TMEM87B: variants seen among roughly 807,000 people sequenced by gnomAD.
The protein encoded by TMEM87B is transmembrane protein 87B.
A neutral mutation model predicts 80.3 loss-of-function variants in TMEM87B; 83 were observed. That is an observed-to-expected ratio of 1.03 (90% confidence interval 0.87 to 1.24). The LOEUF is 1.24. Ranked by LOEUF, TMEM87B falls within the 50% of genes most tolerant of loss-of-function variation. The probability of loss-of-function intolerance (pLI) is 0.00; values close to 1 mark genes in which losing one functional copy is unlikely to be tolerated. For synonymous variants in TMEM87B, 219 were observed against 230.5 expected, an observed-to-expected ratio of 0.95 and a Z score of 0.45; for missense variants, 625 against 674.4, an observed-to-expected ratio of 0.93 and a Z score of 0.81.
At chr2:112,074,253 G>A (rs1256571433) in intron 4 of TMEM87B, among the ~76,000 whole-genome samples, 1 of 152,118 alleles carries the variant, frequency 6.6e-6, no homozygotes, top group Non-Finnish European at 1.5e-5. Context: ...CTCTTGTAAG[G>A]CAGGTCTGAA....
intron 17 of TMEM87B, among the ~76,000 whole-genome samples, chr2:112,111,675 A>C (rs1412107138): frequency 6.6e-6 from 1 of 152,202 alleles, no homozygotes; most frequent in African/African-American, 2.4e-5. Flanking sequence ...CACAGAGAAA[A>C]GCCTTCCCCT....
At chr2:112,108,743 C>A (rs77352657) in intron 17 of TMEM87B, among the ~76,000 whole-genome samples, 1 of 151,960 alleles carries the variant, frequency 6.6e-6, no homozygotes, top group Non-Finnish European at 1.5e-5. Flanking sequence ...AGGATTTTAA[C>A]TTTATCTTTA....
At position 112,071,720 on chromosome 2, in the gene TMEM87B, G is replaced by A. The variant is rs933593987; in HGVS notation, c.451-3192G>A. Among the ~76,000 whole-genome samples, 9 of 152,270 alleles carry A rather than the reference G, an allele frequency of 5.9e-5. No homozygotes were observed. In the East Asian group the frequency reaches 1.2e-3, roughly 20 times the overall value. ...GGTTTTCTAGATATATAATCATGTCGTCTGCACACAGGGATAGTTTGACTT... is the reference window on the plus strand; with the variant it reads ...GGTTTTCTAGATATATAATCATGTCATCTGCACACAGGGATAGTTTGACTT... On this transcript the variant is annotated intron_variant, in intron 4 of 18. Coordinates refer to ENST00000283206, the MANE Select transcript of TMEM87B (RefSeq NM_032824.3).
chr2:112,058,894 G>C (rs1414835472), intron 1 of TMEM87B, among the ~76,000 whole-genome samples: 1 of 152,218 alleles, frequency 6.6e-6, no homozygotes, highest in Non-Finnish European at 1.5e-5. Context: ...ACTGGAAGGA[G>C]CCATGGCTTG....
At chr2:112,074,010 T>C (rs1678736773) in intron 4 of TMEM87B, among the ~76,000 whole-genome samples, 1 of 152,246 alleles carries the variant, frequency 6.6e-6, no homozygotes, top group African/African-American at 2.4e-5. Context: ...ATGAGTCTCT[T>C]GAAGACAGCA....
At chr2:112,089,076 A>G (rs747307178) in intron 9 of TMEM87B, among the ~76,000 whole-genome samples, 7 of 152,194 alleles carry the variant, frequency 4.6e-5, no homozygotes, top group Non-Finnish European at 8.8e-5. Context: ...ATGTTATTTT[A>G]ACTCTTTCAG....
At chr2:112,062,604 T>C (rs1678290670) in intron 2 of TMEM87B, among the ~76,000 whole-genome samples, 1 of 152,232 alleles carries the variant, frequency 6.6e-6, no homozygotes, top group African/African-American at 2.4e-5. Flanking sequence ...GTTTGTTTGG[T>C]CGGTGCATAT....
At chr2:112,095,594 G>A in intron 11 of TMEM87B, 2 of 592,082 alleles carry the variant, frequency 3.4e-6, no homozygotes, top group Non-Finnish European at 4.2e-6. Flanking sequence ...AAGTATATTT[G>A]CATTTTTAAA....
chr2:112,111,259 C>T (rs980584595), intron 17 of TMEM87B, among the ~76,000 whole-genome samples: 1 of 152,064 alleles, frequency 6.6e-6, no homozygotes, highest in African/African-American at 2.4e-5. Flanking sequence ...CATTATTTTC[C>T]AGATTTGGAA....
chr2:112,058,548 T>TAA (rs10625142), intron 1 of TMEM87B, among the ~76,000 whole-genome samples: 72,088 of 151,834 alleles, frequency 0.47, 17,615 homozygotes, highest in Middle Eastern at 0.66. Context: ...TTATGTCAAC[T>TAA]AAAGTTTTAA....
rs1185711883 is a variant in TMEM87B at position 112,081,038 on chromosome 2, C to T, written c.593-19C>T. On this transcript the variant is annotated intron_variant, in intron 6 of 18. Coordinates refer to ENST00000283206, the MANE Select transcript of TMEM87B (RefSeq NM_032824.3). ...TTAAGACTGACTGTTAATTAACTCT[C>T]TCTTCTTCTCTATCCTAGTTTCTCT... 63 of 1,603,812 alleles carry T rather than the reference C, an allele frequency of 3.9e-5. 2 individuals are homozygous for T. In the South Asian group the frequency reaches 5.2e-4, roughly 13 times the overall value.
In TMEM87B at chr2:112,089,679, A is replaced by C; in HGVS notation, c.993A>C (p.Leu331Phe). The change falls in exon 10 of 19, where the codon TTA (leucine) becomes TTC (phenylalanine). Residue 331 changes from leucine to phenylalanine, a missense_variant. Transcript: ENST00000283206. ...TGATCGGACTGGGGCTTCTATACTTAATCTTTGCAGCTGTTGAAGGCGTGA... is the reference window on the plus strand; with the variant it reads ...TGATCGGACTGGGGCTTCTATACTTCATCTTTGCAGCTGTTGAAGGCGTGA... ...HRVIGLGLLY[L>F]IFAAVEGVMR... The C allele has an allele frequency of 6.2e-7, 1 of 1,614,152 alleles. No individual in the cohort carries two copies. The highest frequency in any genetic ancestry group is 8.5e-7 in the Non-Finnish European group (1 of 1,179,996).
intron 13 of TMEM87B, 94 bp from the exon 14 acceptor site, chr2:112,098,501 T>A: frequency 8.9e-7 from 1 of 1,128,624 alleles, no homozygotes; most frequent in Non-Finnish European, 1.3e-6. Flanking sequence ...TTGGAAAGAT[T>A]TCATTAGTAC....
Position 112,097,301 on chromosome 2 carries a change from A to C in TMEM87B, c.1272+10A>C, listed in dbSNP as rs985506626. On this transcript the variant is annotated intron_variant, in intron 13 of 18. Transcript: ENST00000283206. ...TGCAAAATGCCAATCAGTAAGTATAACCTTCCTATTTAAACAGTTATTTTT... is the reference window on the plus strand; with the variant it reads ...TGCAAAATGCCAATCAGTAAGTATACCCTTCCTATTTAAACAGTTATTTTT... 3.2e-6 allele frequency: 5 copies of C among 1,584,482 alleles called. No individual in the cohort carries two copies. The highest frequency in any genetic ancestry group is 4.3e-6 in the Non-Finnish European group (5 of 1,167,672).
intron 1 of TMEM87B, among the ~76,000 whole-genome samples, chr2:112,056,439 C>T (rs999799227): frequency 6.6e-6 from 1 of 152,006 alleles, no homozygotes; most frequent in African/African-American, 2.4e-5. Context: ...CTCTTCTTTC[C>T]AAGGCAGGCT....
At chr2:112,074,062 G>A (rs1444900685) in intron 4 of TMEM87B, among the ~76,000 whole-genome samples, 1 of 152,174 alleles carries the variant, frequency 6.6e-6, no homozygotes, top group Non-Finnish European at 1.5e-5. Flanking sequence ...GACATTCTGT[G>A]CCTTTTAATT....
At position 112,103,381 on chromosome 2, in the gene TMEM87B, G is replaced by A. The variant is rs1679685311; in HGVS notation, c.1451-2621G>A. Among the ~76,000 whole-genome samples the A allele has an allele frequency of 2.0e-5, 3 of 152,162 alleles. No individual in the cohort carries two copies. The South Asian group carries it at 6.2e-4, about 32-fold the overall frequency. On this transcript the variant is annotated intron_variant, in intron 15 of 18. Coordinates refer to ENST00000283206, the MANE Select transcript of TMEM87B (RefSeq NM_032824.3). Reference sequence around the variant, plus strand: ...TCTCAGTTTCCCAGTCTGATAAATAGATTCAGTGCAATCCCAATTATAATT... The same window carrying A: ...TCTCAGTTTCCCAGTCTGATAAATAAATTCAGTGCAATCCCAATTATAATT...
chr2:112,102,909 A>C (rs1679668717), intron 15 of TMEM87B, among the ~76,000 whole-genome samples: 1 of 152,188 alleles, frequency 6.6e-6, no homozygotes, highest in Non-Finnish European at 1.5e-5. Flanking sequence ...GGGTATGTAC[A>C]TACCACTTTG....
intron 17 of TMEM87B, among the ~76,000 whole-genome samples, chr2:112,108,173 C>T (rs1347221405): frequency 6.6e-6 from 1 of 151,928 alleles, no homozygotes; most frequent in Non-Finnish European, 1.5e-5. Context: ...AACCACAGCA[C>T]CATGTATTGT....
Sources: gnomAD v4.1 joint callset for allele counts (sites outside exome capture counted in the v4.1 genomes callset) on GRCh38, gnomAD v4.1.1 for gene constraint, MANE v1.5 for transcripts, NCBI Gene and HGNC (gene_info 2026-07-23, HGNC 2026-07-21) for gene names.